Variants in NFKB1 observed in about 807,000 individuals in gnomAD.
The protein encoded by NFKB1 is nuclear factor kappa B subunit 1.
In NFKB1, 9 loss-of-function variants were observed where a neutral mutation model predicts 105.1. That is an observed-to-expected ratio of 0.09 (90% confidence interval 0.05 to 0.15). NFKB1 has a LOEUF of 0.15. NFKB1 is among the 10% of genes least tolerant of loss of function. NFKB1 has a pLI of 1.00. For synonymous variants in NFKB1, 440 were observed against 442.2 expected (o/e 1.00, Z 0.06); for missense variants, 830 against 1,203.7 (o/e 0.69, Z 4.59).
chr4:102,612,616 T>TG lies in NFKB1; in HGVS notation c.2592+10_2592+11insG. 6.2e-7 allele frequency: 1 copy of TG among 1,610,368 alleles called. No individual in the cohort carries two copies. The highest frequency in any genetic ancestry group is 2.2e-5 in the East Asian group (1 of 44,826). On this transcript the variant is annotated intron_variant, in intron 22 of 23. Coordinates refer to ENST00000226574, the MANE Select transcript of NFKB1 (RefSeq NM_003998.4). ...TATGGACAACTATGAGGTAACACCT[T>TG]ACCTTACAGATTTAGCAATTTTCAT...
intron 14 of NFKB1, 120 bp downstream of exon 14, chr4:102,596,452 A>G: frequency 1.3e-6 from 1 of 744,976 alleles, no homozygotes; most frequent in Non-Finnish European, 1.9e-6. Context: ...GTACTCTTCA[A>G]AGTTCTGTAT....
intron 4 of NFKB1, among the ~76,000 whole-genome samples, chr4:102,536,332 A>G (rs944611791): frequency 3.9e-5 from 6 of 152,190 alleles, no homozygotes; most frequent in African/African-American, 4.8e-5. Flanking sequence ...GGAATCTCCC[A>G]AGGAATTGTT....
At chr4:102,566,454 G>T (rs1723877210) in intron 5 of NFKB1, among the ~76,000 whole-genome samples, 1 of 152,146 alleles carries the variant, frequency 6.6e-6, no homozygotes, top group African/African-American at 2.4e-5. Flanking sequence ...AAGTCCTCAG[G>T]CTTGAGTGTT....
intron 1 of NFKB1, among the ~76,000 whole-genome samples, chr4:102,507,117 G>A (rs1174950409): frequency 6.6e-6 from 1 of 151,174 alleles, no homozygotes; most frequent in East Asian, 1.9e-4. Flanking sequence ...GAAATTAAAT[G>A]TTAACATCTA....
chr4:102,515,729 A>G (rs578091639), intron 1 of NFKB1, among the ~76,000 whole-genome samples: 65 of 152,314 alleles, frequency 4.3e-4, no homozygotes, highest in South Asian at 1.0e-3. Flanking sequence ...TTTATATGTT[A>G]TAAACTCCAA....
chr4:102,591,125 A>G (rs963422081), intron 11 of NFKB1, among the ~76,000 whole-genome samples: 1 of 152,254 alleles, frequency 6.6e-6, no homozygotes, highest in Non-Finnish European at 1.5e-5. Context: ...AAATGCTAAC[A>G]GAGAAGCTGC....
intron 1 of NFKB1, among the ~76,000 whole-genome samples, chr4:102,524,238 A>G (rs985411714): frequency 1.3e-5 from 2 of 152,138 alleles, no homozygotes; most frequent in African/African-American, 4.8e-5. Flanking sequence ...TTATCTGACC[A>G]TGTGGTTCCT....
chr4:102,604,550 G>A lies in NFKB1; in HGVS notation c.1753-1946G>A, dbSNP rs1727518660. Reference sequence around the variant, plus strand: ...GCATATATTTTTTAAATGCCTAAGTGGCATTGTGCTACATGTTACTGTATT... The same window carrying A: ...GCATATATTTTTTAAATGCCTAAGTAGCATTGTGCTACATGTTACTGTATT... On this transcript the variant is annotated intron_variant, in intron 16 of 23. Transcript: ENST00000226574. 3.3e-5 allele frequency among the ~76,000 whole-genome samples: 5 copies of A among 152,006 alleles called. No individual in the cohort carries two copies. The South Asian group carries it at 1.0e-3, about 32-fold the overall frequency.
intron 5 of NFKB1, among the ~76,000 whole-genome samples, chr4:102,564,196 A>G (rs12509950): frequency 1.3e-5 from 2 of 152,182 alleles, no homozygotes; most frequent in Admixed American, 6.5e-5. Flanking sequence ...GTTGCTCTCT[A>G]TAAACTTAAT....
At chr4:102,564,215 G>A (rs1723668837) in intron 5 of NFKB1, among the ~76,000 whole-genome samples, 2 of 151,980 alleles carry the variant, frequency 1.3e-5, no homozygotes, top group Admixed American at 1.3e-4. Flanking sequence ...ATTTTCAAAG[G>A]AACCACTATT....
intron 5 of NFKB1, among the ~76,000 whole-genome samples, chr4:102,539,447 A>G (rs1490129542): frequency 3.9e-5 from 6 of 152,070 alleles, no homozygotes; most frequent in Non-Finnish European, 7.4e-5. Context: ...TACTAGTCAT[A>G]GTTGCATTTT....
chr4:102,535,812 C>T (rs539566078), intron 4 of NFKB1, among the ~76,000 whole-genome samples: 12 of 151,854 alleles, frequency 7.9e-5, no homozygotes, highest in Admixed American at 4.6e-4. Flanking sequence ...TAAACACATA[C>T]GTGTCTATAT....
chr4:102,546,505 AT>A (rs770709892), intron 5 of NFKB1, among the ~76,000 whole-genome samples: 6 of 152,194 alleles, frequency 3.9e-5, no homozygotes, highest in Non-Finnish European at 5.9e-5. Flanking sequence ...TAGAAAAAAA[AT>A]ATAACATTTT....
At position 102,535,718 on chromosome 4, in the gene NFKB1, A is replaced by T. The variant is rs188853628; in HGVS notation, c.159+1833A>T. Among the ~76,000 whole-genome samples, 461 of 152,230 alleles carry T rather than the reference A, an allele frequency of 3.0e-3. 2 individuals are homozygous for T. Among genetic ancestry groups the T allele is most frequent in the Middle Eastern group, 0.017 (5 of 294 alleles). On this transcript the variant is annotated intron_variant, in intron 4 of 23. Coordinates refer to ENST00000226574, the MANE Select transcript of NFKB1 (RefSeq NM_003998.4). ...GTAAATTTTCATCCTCAGATTAAAA[A>T]CTTCTGAGGATTTAGATACTCGTAT...
At chr4:102,516,084 A>G (rs1362065829) in intron 1 of NFKB1, among the ~76,000 whole-genome samples, 1 of 151,764 alleles carries the variant, frequency 6.6e-6, no homozygotes, top group Non-Finnish European at 1.5e-5. Flanking sequence ...CTTGTACTGT[A>G]TCTAATGATC....
intron 6 of NFKB1, among the ~76,000 whole-genome samples, chr4:102,571,637 G>GA (rs1310453125): frequency 6.6e-5 from 10 of 152,148 alleles, no homozygotes; most frequent in Non-Finnish European, 1.5e-4. Flanking sequence ...AAATTTACAA[G>GA]AAAAAATCAA....
At chr4:102,566,143 A>G (rs230495) in intron 5 of NFKB1, among the ~76,000 whole-genome samples, 90,049 of 152,058 alleles carry the variant, frequency 0.59, 26,868 homozygotes, top group Middle Eastern at 0.71. Flanking sequence ...GGTGACTAAG[A>G]AGAAGAAAGA....
intron 7 of NFKB1, chr4:102,577,951 G>A (rs370735396): frequency 7.4e-5 from 73 of 985,224 alleles, no homozygotes; most frequent in Non-Finnish European, 8.4e-5. Flanking sequence ...CCGTGTCTCC[G>A]TTTTGCCTAC....
intron 5 of NFKB1, among the ~76,000 whole-genome samples, chr4:102,551,367 T>TGTGTGCGCGCGC (rs370790173): frequency 6.7e-6 from 1 of 150,204 alleles, no homozygotes; most frequent in South Asian, 2.1e-4. Context: ...TGTGTGTGTG[T>TGTGTGCGCGCGC]GCGCGCGCGC....
Sources: gnomAD v4.1 joint callset for allele counts (sites outside exome capture counted in the v4.1 genomes callset) on GRCh38, gnomAD v4.1.1 for gene constraint, MANE v1.5 for transcripts, NCBI Gene and HGNC (gene_info 2026-07-23, HGNC 2026-07-21) for gene names.